SOX5: variants seen among roughly 807,000 people sequenced by gnomAD.
SOX5 encodes transcription factor SOX-5.
A neutral mutation model predicts 92.0 loss-of-function variants in SOX5; 9 were observed. That is an observed-to-expected ratio of 0.10 (90% CI 0.06 to 0.17). The LOEUF (loss-of-function observed/expected upper bound fraction) is 0.17. Among genes scored for constraint, SOX5 ranks in the 10% least tolerant of loss-of-function variants. SOX5 has a pLI of 1.00. For missense variants in SOX5, 642 were observed against 944.5 expected (o/e 0.68, Z 4.20); for synonymous variants, 344 against 336.3 (o/e 1.02, Z -0.25).
At chr12:24,002,753 G>A (rs1245158009) in intron 4 of SOX5, among the ~76,000 whole-genome samples, 1 of 151,904 alleles carries the variant, frequency 6.6e-6, no homozygotes, top group African/African-American at 2.4e-5. Flanking sequence ...CATTTAGAGA[G>A]GAAACAGTAC....
intron 9 of SOX5, among the ~76,000 whole-genome samples, chr12:23,581,481 T>C (rs1950032257): frequency 6.6e-6 from 1 of 152,112 alleles, no homozygotes; most frequent in Non-Finnish European, 1.5e-5. Flanking sequence ...TCCTCAAATA[T>C]TTACCTAAAT....
intron 4 of SOX5, among the ~76,000 whole-genome samples, chr12:24,175,463 G>A (rs1419785630): frequency 6.6e-6 from 1 of 152,212 alleles, no homozygotes; most frequent in African/African-American, 2.4e-5. Context: ...TTCCTGTGCA[G>A]TAAGCACAGT....
intron 1 of SOX5, among the ~76,000 whole-genome samples, chr12:23,918,116 A>T (rs1009256289): frequency 6.6e-6 from 1 of 152,204 alleles, no homozygotes; most frequent in Admixed American, 6.5e-5. Context: ...TCTTCCTCTA[A>T]GACAGCATGT....
chr12:23,766,247 G>T (rs2094722630), intron 3 of SOX5, among the ~76,000 whole-genome samples: 2 of 151,988 alleles, frequency 1.3e-5, no homozygotes, highest in South Asian at 4.1e-4. Flanking sequence ...CTATAATGAG[G>T]AAAATAATTG....
At chr12:24,244,364 T>C (rs1354209081) in intron 3 of SOX5, among the ~76,000 whole-genome samples, 3 of 152,244 alleles carry the variant, frequency 2.0e-5, no homozygotes, top group African/African-American at 7.2e-5. Context: ...GGTGGCTTCC[T>C]CTGTCCTTTA....
intron 2 of SOX5, among the ~76,000 whole-genome samples, chr12:24,285,581 A>G (rs1051085655): frequency 6.6e-6 from 1 of 152,230 alleles, no homozygotes; most frequent in African/African-American, 2.4e-5. Flanking sequence ...AAATCTGCCT[A>G]GTCTATTTTA....
At position 23,773,796 on chromosome 12, in the gene SOX5, C is replaced by T. The variant is rs146114511; in HGVS notation, c.482-18072G>A. On this transcript the variant is annotated intron_variant, in intron 3 of 14. Coordinates refer to ENST00000451604, the MANE Select transcript of SOX5 (RefSeq NM_006940.6). The stretch of plus-strand genomic sequence containing the variant: ...ACCAGTCAAAAAAATCAATATAAAA[C>T]CTAAAATGCAATGCAAAGTATTAAA... 3.5e-3 allele frequency among the ~76,000 whole-genome samples: 537 copies of T among 151,890 alleles called. 3 individuals are homozygous for T. Among genetic ancestry groups the T allele is most frequent in the African/African-American group, 0.012 (502 of 41,442 alleles).
chr12:24,495,964 A>G (rs1947593341), intron 1 of SOX5, among the ~76,000 whole-genome samples: 1 of 152,222 alleles, frequency 6.6e-6, no homozygotes, highest in African/African-American at 2.4e-5. Flanking sequence ...TATACTGAGA[A>G]TAAATAAGAA....
intron 2 of SOX5, among the ~76,000 whole-genome samples, chr12:24,287,773 T>A (rs1288223613): frequency 6.6e-6 from 1 of 152,048 alleles, no homozygotes; most frequent in Admixed American, 6.5e-5. Flanking sequence ...CTTCAGCAAT[T>A]CTTTATGGTA....
intron 4 of SOX5, among the ~76,000 whole-genome samples, chr12:23,987,051 G>C (rs1490407857): frequency 6.6e-6 from 1 of 152,156 alleles, no homozygotes; most frequent in African/African-American, 2.4e-5. Flanking sequence ...ACATTTAAAA[G>C]ACTGATTTCA....
chr12:24,138,613 GA>G (rs1256205055), intron 4 of SOX5, among the ~76,000 whole-genome samples: 3 of 151,658 alleles, frequency 2.0e-5, no homozygotes, highest in African/African-American at 7.3e-5. Context: ...TGGGTATGGG[GA>G]AAATGTTTGC....
At chr12:23,577,610 G>C (rs11046986) in intron 9 of SOX5, among the ~76,000 whole-genome samples, 1 of 151,068 alleles carries the variant, frequency 6.6e-6, no homozygotes, top group Non-Finnish European at 1.5e-5. Flanking sequence ...CTTTGTAATA[G>C]ATCTTATTTC....
At chr12:24,076,672 G>GAAATACT (rs1326157448) in intron 4 of SOX5, among the ~76,000 whole-genome samples, 2 of 146,370 alleles carry the variant, frequency 1.4e-5, no homozygotes, top group African/African-American at 2.5e-5. Flanking sequence ...GGACCAATGT[G>GAAATACT]AAATACTAAA....
At chr12:24,082,381 ACCAGGGCTGCT>A (rs1215918580) in intron 4 of SOX5, among the ~76,000 whole-genome samples, 3 of 117,016 alleles carry the variant, frequency 2.6e-5, no homozygotes, top group Admixed American at 1.2e-4. Flanking sequence ...AATTTCTCTC[ACCAGGGCTGCT>A]CCTTTCGAAA....
At chr12:23,637,459 C>T (rs1270009712) in intron 8 of SOX5, among the ~76,000 whole-genome samples, 1 of 152,156 alleles carries the variant, frequency 6.6e-6, no homozygotes, top group African/African-American at 2.4e-5. Flanking sequence ...TAAAACCTTG[C>T]TGACCTGGCC....
intron 4 of SOX5, among the ~76,000 whole-genome samples, chr12:24,081,329 T>G (rs1031306137): frequency 2.0e-5 from 3 of 152,018 alleles, no homozygotes; most frequent in African/African-American, 7.2e-5. Flanking sequence ...CTATCTCTAA[T>G]TAAATGTAGA....
intron 3 of SOX5, among the ~76,000 whole-genome samples, chr12:23,758,577 T>G (rs74069179): frequency 0.027 from 4,067 of 152,026 alleles, 161 homozygotes; most frequent in African/African-American, 0.089. Flanking sequence ...AAACCAAAAC[T>G]TAGGAAGTTA....
At chr12:24,314,550 G>A in intron 2 of SOX5, among the ~76,000 whole-genome samples, 1 of 144,906 alleles carries the variant, frequency 6.9e-6, no homozygotes, top group East Asian at 1.9e-4. Context: ...AAAAAACTAG[G>A]CTGCTTATAC....
intron 4 of SOX5, among the ~76,000 whole-genome samples, chr12:23,752,389 A>T (rs2094208462): frequency 6.6e-6 from 1 of 151,880 alleles, no homozygotes; most frequent in African/African-American, 2.4e-5. Context: ...AATTGAGAGT[A>T]TTTTGCATGC....
Sources: allele counts gnomAD v4.1 joint callset (sites outside exome capture counted in the v4.1 genomes callset), GRCh38; gene constraint gnomAD v4.1.1; transcripts MANE v1.5; gene names NCBI Gene and HGNC (gene_info 2026-07-23, HGNC 2026-07-21).